Variants in DGKB observed in about 807,000 individuals in gnomAD.
DGKB encodes diacylglycerol kinase beta.
DGKB carries 67 observed loss-of-function variants against 114.3 expected under a neutral mutation model. The observed-to-expected ratio is 0.59, with a 90% CI of 0.48 to 0.72. The LOEUF (loss-of-function observed/expected upper bound fraction) is 0.72, where lower values mean the gene tolerates loss of function less well. DGKB is among the 30% of genes least tolerant of loss of function. The pLI, the probability that DGKB is intolerant of heterozygous loss-of-function variation, is 0.00. For synonymous variants in DGKB, 398 were observed against 323.1 expected, an observed-to-expected ratio of 1.23 and a Z score of -2.49; for missense variants, 907 against 975.2, an observed-to-expected ratio of 0.93 and a Z score of 0.93.
rs1839336343 is a variant in DGKB, at chr7:14,782,887, T to C, written c.71-25156A>G. ...TCTTGTTCTGTGGCCCAGGCTGGAG[T>C]GCAGTGATGATCATAGCTCCCTTCT... On this transcript the variant is annotated intron_variant, in intron 2 of 25. Coordinates refer to ENST00000402815, the MANE Select transcript of DGKB (RefSeq NM_001350709.2). Among the ~76,000 whole-genome samples, 6 of 151,948 alleles carry C rather than the reference T, an allele frequency of 3.9e-5. No individual in the cohort carries two copies. In the South Asian group the frequency reaches 1.2e-3, roughly 32 times the overall value.
chr7:14,714,785 T>C (rs941911934), intron 6 of DGKB, among the ~76,000 whole-genome samples: 1 of 152,184 alleles, frequency 6.6e-6, no homozygotes, highest in Non-Finnish European at 1.5e-5. Flanking sequence ...GCAAATAAGT[T>C]GAATGTCTGA....
chr7:14,956,668 G>T (rs1172970311), intron 1 of DGKB, among the ~76,000 whole-genome samples: 1 of 151,866 alleles, frequency 6.6e-6, no homozygotes, highest in Non-Finnish European at 1.5e-5. Context: ...GTCTATACAA[G>T]AAATATTATT....
At chr7:14,180,586 C>T (rs933705186) in intron 23 of DGKB, among the ~76,000 whole-genome samples, 1 of 152,162 alleles carries the variant, frequency 6.6e-6, no homozygotes, top group Non-Finnish European at 1.5e-5. Flanking sequence ...AAATACCATA[C>T]TCCTTTTAAT....
chr7:14,865,615 T>C (rs947013544), intron 1 of DGKB, among the ~76,000 whole-genome samples: 34 of 152,340 alleles, frequency 2.2e-4, no homozygotes, highest in African/African-American at 7.7e-4. Flanking sequence ...CCTAAAATGG[T>C]TCCTGTATCT....
intron 1 of DGKB, among the ~76,000 whole-genome samples, chr7:14,939,292 A>C (rs1352844238): frequency 6.6e-6 from 1 of 152,224 alleles, no homozygotes; most frequent in African/African-American, 2.4e-5. Context: ...AGTCTAGCGC[A>C]TGCCAAGCCT....
chr7:14,826,422 C>T (rs1034685758), intron 2 of DGKB, among the ~76,000 whole-genome samples: 1 of 152,132 alleles, frequency 6.6e-6, no homozygotes, highest in Non-Finnish European at 1.5e-5. Flanking sequence ...AACATTTTCA[C>T]CTTTCATGAA....
intron 17 of DGKB, among the ~76,000 whole-genome samples, chr7:14,590,517 C>A (rs1801528623): frequency 6.6e-6 from 1 of 152,000 alleles, no homozygotes; most frequent in Non-Finnish European, 1.5e-5. Context: ...AGCATCCTAC[C>A]CCCAAACATA....
intron 1 of DGKB, among the ~76,000 whole-genome samples, chr7:14,963,501 T>A (rs1256562449): frequency 6.6e-6 from 1 of 152,144 alleles, no homozygotes; most frequent in Non-Finnish European, 1.5e-5. Flanking sequence ...AATGGTAAGA[T>A]GAACAAATAT....
chr7:14,800,972 TA>T (rs1035303923), intron 2 of DGKB, among the ~76,000 whole-genome samples: 1 of 152,092 alleles, frequency 6.6e-6, no homozygotes, highest in Non-Finnish European at 1.5e-5. Flanking sequence ...CAGAAGAAGG[TA>T]GCTATAAACA....
chr7:14,492,851 A>C (rs1784784700), intron 20 of DGKB, among the ~76,000 whole-genome samples: 1 of 152,164 alleles, frequency 6.6e-6, no homozygotes, highest in Admixed American at 6.6e-5. Flanking sequence ...AAAAGGGTTA[A>C]ACTTTAATGG....
At chr7:14,553,946 C>T (rs993174618) in intron 20 of DGKB, among the ~76,000 whole-genome samples, 13 of 133,504 alleles carry the variant, frequency 9.7e-5, no homozygotes, top group African/African-American at 3.0e-4. Context: ...GATCTCGGCT[C>T]ACTGCAAGCT....
chr7:14,367,255 C>T (rs1471554309), intron 21 of DGKB, among the ~76,000 whole-genome samples: 4 of 152,060 alleles, frequency 2.6e-5, no homozygotes, highest in Non-Finnish European at 5.9e-5. Context: ...TTGGCTGTGT[C>T]CTCACCCAAA....
At chr7:14,313,458 C>T (rs565233133) in intron 23 of DGKB, among the ~76,000 whole-genome samples, 170 of 152,242 alleles carry the variant, frequency 1.1e-3, no homozygotes, top group African/African-American at 4.0e-3. Flanking sequence ...TTGCCTCACT[C>T]GGGAAGCGCA....
chr7:14,612,485 A>G (rs1805741382), intron 16 of DGKB, among the ~76,000 whole-genome samples: 2 of 152,254 alleles, frequency 1.3e-5, no homozygotes, highest in South Asian at 2.1e-4. Context: ...TGTTGATTCA[A>G]TAATGAAAAG....
intron 21 of DGKB, among the ~76,000 whole-genome samples, chr7:14,419,315 C>T (rs1375572460): frequency 6.6e-6 from 1 of 151,724 alleles, no homozygotes; most frequent in Admixed American, 6.6e-5. Context: ...ATAAATAAAG[C>T]TATGCTGTAA....
chr7:14,433,325 C>T (rs1238713100), intron 21 of DGKB, among the ~76,000 whole-genome samples: 3 of 152,216 alleles, frequency 2.0e-5, no homozygotes, highest in African/African-American at 7.2e-5. Flanking sequence ...AGGTATTGAT[C>T]TCAACAAAAT....
intron 2 of DGKB, among the ~76,000 whole-genome samples, chr7:14,832,884 C>A (rs1030978840): frequency 3.3e-5 from 5 of 152,112 alleles, no homozygotes; most frequent in African/African-American, 1.2e-4. Context: ...CTTTCTTGAG[C>A]TCCAGATATG....
chr7:14,643,814 C>CCCAATGGT (rs1812336227), intron 13 of DGKB, among the ~76,000 whole-genome samples: 1 of 152,180 alleles, frequency 6.6e-6, no homozygotes, highest in Non-Finnish European at 1.5e-5. Flanking sequence ...ACTGCCAGTG[C>CCCAATGGT]CCCAATGTGT....
intron 23 of DGKB, among the ~76,000 whole-genome samples, chr7:14,316,127 C>G (rs1270135846): frequency 6.6e-6 from 1 of 151,510 alleles, no homozygotes; most frequent in African/African-American, 2.4e-5. Context: ...GGGATGCATT[C>G]AAAGCAGTGT....
Sources: gnomAD v4.1 joint callset for allele counts (sites outside exome capture counted in the v4.1 genomes callset) on GRCh38, gnomAD v4.1.1 for gene constraint, MANE v1.5 for transcripts, NCBI Gene and HGNC (gene_info 2026-07-23, HGNC 2026-07-21) for gene names.